Variants in VCL observed in about 807,000 individuals in gnomAD.
VCL encodes epididymis luminal protein 114.
A neutral mutation model predicts 125.7 loss-of-function variants in VCL; 47 were observed. That is an observed-to-expected ratio of 0.37 (90% CI 0.30 to 0.48). The LOEUF is 0.48. Ranked by LOEUF, VCL falls within the 20% of genes least tolerant of loss-of-function variation. The pLI, the probability that VCL is intolerant of heterozygous loss-of-function variation, is 0.99. For missense variants in VCL, 1,069 were observed against 1,455.5 expected, an observed-to-expected ratio of 0.73 and a Z score of 4.32; for synonymous variants, 458 against 514.6, an observed-to-expected ratio of 0.89 and a Z score of 1.49.
rs1212404647 is a variant in VCL, at chr10:74,120,012, A to AG, written c.*1843_*1844insG. On this transcript the variant is annotated 3_prime_UTR_variant, in exon 22 of 22. Transcript: ENST00000211998. ...TGCTCGAGACACAGTGAAGCAAATT[A>AG]AAAAAAAAAAAAAAAAAAATCCCTG... 3.3e-4 allele frequency: 8 copies of AG among 24,018 alleles called. No homozygotes were observed. Among genetic ancestry groups the AG allele is most frequent in the African/African-American group, 1.1e-3 (8 of 7,296 alleles). 1.5% of individuals were successfully genotyped at this position (24,018 alleles called of 1,614,324 possible). A position where few individuals can be genotyped will look rare whatever the true frequency, so the allele number is the denominator to read the frequency against.
In VCL at chr10:74,054,148, G is replaced by A. The variant is rs529455136; in HGVS notation, c.239+10995G>A. ...TATAGAGTTCTATTTATACTAATTA[G>A]GTCAGTATATAAATATTACTAGTCC... On this transcript the variant is annotated intron_variant, in intron 2 of 21. Coordinates refer to ENST00000211998, the MANE Select transcript of VCL (RefSeq NM_014000.3). Among the ~76,000 whole-genome samples, 66 of 151,906 alleles carry A rather than the reference G, an allele frequency of 4.3e-4. 1 individual carries two copies. The highest frequency in any genetic ancestry group is 1.5e-3 in the African/African-American group (61 of 41,408).
At chr10:74,085,242 C>T (rs902108579) in intron 8 of VCL, among the ~76,000 whole-genome samples, 9 of 152,122 alleles carry the variant, frequency 5.9e-5, no homozygotes, top group East Asian at 3.8e-4. Flanking sequence ...AAACTTGTTC[C>T]GTAATTGAAA....
chr10:74,055,483 T>C (rs1188989407), intron 2 of VCL, among the ~76,000 whole-genome samples: 1 of 151,500 alleles, frequency 6.6e-6, no homozygotes, highest in African/African-American at 2.4e-5. Flanking sequence ...TACCTGGGAC[T>C]ATAGGCATGC....
chr10:74,089,327 C>CA lies in VCL; in HGVS notation c.1157dup (p.Lys387GlufsTer28). 6.2e-7 allele frequency: 1 copy of CA among 1,613,196 alleles called. No homozygotes were observed. The highest frequency in any genetic ancestry group is 8.5e-7 in the Non-Finnish European group (1 of 1,179,512). ...ATGACCAACTCAAAGCAGAGCATTGCAAAGAAGATCGATGCTGCTCAGGTA... is the reference window on the plus strand; with the variant it reads ...ATGACCAACTCAAAGCAGAGCATTGCAAAAGAAGATCGATGCTGCTCAGGTA... On this transcript the variant is annotated frameshift_variant, in exon 9 of 22. Transcript: ENST00000211998. LOFTEE classifies it high-confidence loss of function.
intron 1 of VCL, among the ~76,000 whole-genome samples, chr10:73,999,469 A>G (rs913233145): frequency 2.0e-5 from 3 of 152,040 alleles, no homozygotes; most frequent in African/African-American, 7.2e-5. Context: ...TTTCTTTCCC[A>G]CCCTGGGTGG....
intron 1 of VCL, among the ~76,000 whole-genome samples, chr10:74,017,863 TA>T (rs926786195): frequency 6.6e-6 from 1 of 151,932 alleles, no homozygotes; most frequent in Non-Finnish European, 1.5e-5. Flanking sequence ...AAGGCACCTT[TA>T]AAATCTGGTG....
At chr10:74,002,925 C>T (rs1367681536) in intron 1 of VCL, among the ~76,000 whole-genome samples, 1 of 149,280 alleles carries the variant, frequency 6.7e-6, no homozygotes, top group Non-Finnish European at 1.5e-5. Flanking sequence ...TTTATGGGGG[C>T]AGAACTCATT....
chr10:74,017,948 T>A (rs1051483150), intron 1 of VCL, among the ~76,000 whole-genome samples: 19 of 151,056 alleles, frequency 1.3e-4, no homozygotes, highest in African/African-American at 4.4e-4. Flanking sequence ...TGCTTGAGCG[T>A]AGAAGTCCGA....
intron 1 of VCL, among the ~76,000 whole-genome samples, chr10:74,023,598 A>G (rs987826164): frequency 6.6e-6 from 1 of 152,246 alleles, no homozygotes; most frequent in Non-Finnish European, 1.5e-5. Context: ...GAGATGGTAT[A>G]GCCTAATTTA....
rs1156681278 is a variant in VCL at position 73,998,139 on chromosome 10, C to T, written c.-69C>T. 20 of 1,573,834 alleles carry T rather than the reference C, an allele frequency of 1.3e-5. No homozygotes were observed. The highest frequency in any genetic ancestry group is 1.7e-5 in the Non-Finnish European group (20 of 1,160,354). On this transcript the variant is annotated 5_prime_UTR_variant, in exon 1 of 22. Coordinates refer to ENST00000211998, the MANE Select transcript of VCL (RefSeq NM_014000.3). ...GTAGTCGCTGCACAGTCTGTCTCTT[C>T]GCCGGTTCCCGGCCCCGTGGATCCT...
At chr10:74,000,259 C>CTTTTTTTTTTTTTT (rs34197555) in intron 1 of VCL, among the ~76,000 whole-genome samples, 2 of 114,820 alleles carry the variant, frequency 1.7e-5, no homozygotes, top group African/African-American at 3.3e-5. Flanking sequence ...TTGTATTTTG[C>CTTTTTTTTTTTTTT]TTTTTTTTTT....
rs139585517 is a variant in VCL at position 74,087,868 on chromosome 10, C to T, written c.1023-1328C>T. Among the ~76,000 whole-genome samples, 563 of 152,120 alleles carry T rather than the reference C, an allele frequency of 3.7e-3. 3 individuals are homozygous for T. Among genetic ancestry groups the T allele is most frequent in the African/African-American group, 0.012 (501 of 41,536 alleles). ...GCACATGCCTGTAATCTCAGCTACT[C>T]GGGAGGCCGAGGCAGGAGAATTGCT... On this transcript the variant is annotated intron_variant, in intron 8 of 21. Transcript: ENST00000211998.
chr10:74,107,602 G>A (rs1840157640), intron 17 of VCL, among the ~76,000 whole-genome samples: 1 of 152,228 alleles, frequency 6.6e-6, no homozygotes, highest in East Asian at 1.9e-4. Context: ...CTGTGATGGG[G>A]AGCGGCTGGA....
intron 1 of VCL, among the ~76,000 whole-genome samples, chr10:74,017,557 C>CTT (rs956763044): frequency 1.1e-5 from 1 of 94,254 alleles, no homozygotes. Flanking sequence ...TTCTTTCTTT[C>CTT]TTTTTTTTTT....
Position 74,103,912 on chromosome 10 carries a change from T to C in VCL, c.2115T>C (p.Asn705=). The C allele has an allele frequency of 6.2e-7, 1 of 1,614,090 alleles. No individual in the cohort carries two copies. Among genetic ancestry groups the C allele is most frequent in the Non-Finnish European group, 8.5e-7 (1 of 1,179,940 alleles). Residue 705 remains asparagine, a synonymous_variant, in exon 15 of 22, where the codon AAT becomes AAC. Coordinates refer to ENST00000211998, the MANE Select transcript of VCL (RefSeq NM_014000.3). ...FETMKNQWID[N]VEKMTGLVDE... Reference sequence around the variant, plus strand: ...CCATGAAGAACCAGTGGATCGATAATGTTGAAAAAATGACAGGTAGAGTTT... The same window carrying C: ...CCATGAAGAACCAGTGGATCGATAACGTTGAAAAAATGACAGGTAGAGTTT...
At chr10:74,058,005 A>G (rs1169063338) in intron 2 of VCL, among the ~76,000 whole-genome samples, 9 of 152,226 alleles carry the variant, frequency 5.9e-5, no homozygotes, top group Admixed American at 5.9e-4. Flanking sequence ...ATTTTTAAAT[A>G]TGATGGACTT....
intron 2 of VCL, among the ~76,000 whole-genome samples, chr10:74,065,259 C>A (rs925733072): frequency 6.6e-6 from 1 of 151,884 alleles, no homozygotes; most frequent in East Asian, 1.9e-4. Context: ...GCCTCAGCCT[C>A]CCAAGTAGCT....
intron 1 of VCL, among the ~76,000 whole-genome samples, chr10:74,041,929 CAACTT>C (rs1400089336): frequency 6.6e-6 from 1 of 152,086 alleles, no homozygotes; most frequent in Non-Finnish European, 1.5e-5. Flanking sequence ...AATAACAAAA[CAACTT>C]ACAGTAACAT....
In VCL at chr10:74,097,108, C is replaced by CT. The variant is rs2131918119; in HGVS notation, c.1744-95dup. On this transcript the variant is annotated intron_variant, in intron 12 of 21. Transcript: ENST00000211998. This position sits in a 1 kb window ranked among gnomAD's most constrained non-coding sequence, Gnocchi z 4.1. ...TAACAAATATTTATTGAATGAAAGA[C>CT]TGAATAGATGAATGAATGTCAGTGA... 1 of 1,535,976 alleles carries CT rather than the reference C, an allele frequency of 6.5e-7. No individual in the cohort carries two copies. The highest frequency in any genetic ancestry group is 2.3e-5 in the East Asian group (1 of 42,898).
Sources: allele counts gnomAD v4.1 joint callset (sites outside exome capture counted in the v4.1 genomes callset), GRCh38; gene constraint gnomAD v4.1.1; non-coding constraint Gnocchi (gnomAD v3.1); transcripts MANE v1.5; gene names NCBI Gene and HGNC (gene_info 2026-07-23, HGNC 2026-07-21).